DNAJC5B: variants seen among roughly 807,000 people sequenced by gnomAD.
The protein encoded by DNAJC5B is DnaJ heat shock protein family (Hsp40) member C5 beta.
Under a neutral mutation model 24.7 loss-of-function variants are expected in DNAJC5B, and 23 were observed. The observed-to-expected ratio is 0.93, with a 90% CI of 0.67 to 1.32. The LOEUF is 1.32. Among genes scored for constraint, DNAJC5B ranks in the 40% most tolerant of loss-of-function variants. DNAJC5B has a pLI of 0.00. For missense variants in DNAJC5B, 238 were observed against 240.8 expected (o/e 0.99, Z 0.08); for synonymous variants, 101 against 90.1 (o/e 1.12, Z -0.68).
intron 3 of DNAJC5B, among the ~76,000 whole-genome samples, chr8:66,060,500 C>T (rs991407670): frequency 1.3e-5 from 2 of 152,186 alleles, no homozygotes; most frequent in African/African-American, 2.4e-5. Context: ...GAACAATGGG[C>T]GACAATGACT....
chr8:66,078,258 G>T (rs897668863), intron 4 of DNAJC5B, among the ~76,000 whole-genome samples: 1 of 152,154 alleles, frequency 6.6e-6, no homozygotes. Flanking sequence ...TCCTGGTGTG[G>T]TTCTTTAAAC....
At chr8:66,068,129 C>T (rs889697865) in intron 3 of DNAJC5B, among the ~76,000 whole-genome samples, 1 of 152,088 alleles carries the variant, frequency 6.6e-6, no homozygotes, top group African/African-American at 2.4e-5. Flanking sequence ...TCTTCTTAGT[C>T]CTCAAATTAT....
chr8:66,033,083 C>T (rs2128956595), intron 1 of DNAJC5B, among the ~76,000 whole-genome samples: 1 of 152,352 alleles, frequency 6.6e-6, no homozygotes, highest in Admixed American at 6.5e-5. Context: ...GCCAAGCCAT[C>T]CGTATCCCAG....
chr8:66,068,026 A>T (rs905536728), intron 3 of DNAJC5B, among the ~76,000 whole-genome samples: 3 of 152,256 alleles, frequency 2.0e-5, no homozygotes, highest in African/African-American at 7.2e-5. Flanking sequence ...GGAAACCTTG[A>T]TCTTTAATAT....
chr8:66,098,983 GTCTGTCTCTC>G (rs1299437947), intron 5 of DNAJC5B, among the ~76,000 whole-genome samples: 2 of 149,180 alleles, frequency 1.3e-5, no homozygotes, highest in Admixed American at 1.3e-4. Context: ...CTGTCTCTCT[GTCTGTCTCTC>G]TCTGTCTCTC....
At chr8:66,033,552 C>G (rs1035178025) in intron 1 of DNAJC5B, among the ~76,000 whole-genome samples, 24 of 152,166 alleles carry the variant, frequency 1.6e-4, no homozygotes, top group Non-Finnish European at 5.9e-5. Flanking sequence ...TCCAGACACG[C>G]ATTTGGCTTC....
intron 4 of DNAJC5B, among the ~76,000 whole-genome samples, chr8:66,078,436 C>T (rs890696045): frequency 2.6e-5 from 4 of 152,170 alleles, no homozygotes; most frequent in African/African-American, 4.8e-5. Context: ...GGACACCTAC[C>T]TGTGCCTAGT....
At chr8:66,075,375 TG>T (rs11334241) in intron 3 of DNAJC5B, among the ~76,000 whole-genome samples, 2,549 of 151,648 alleles carry the variant, frequency 0.017, 57 homozygotes, top group African/African-American at 0.057. Context: ...TTTGGAACCA[TG>T]GGGGGGGAAA....
At chr8:66,061,681 T>C (rs909693379) in intron 3 of DNAJC5B, among the ~76,000 whole-genome samples, 3 of 151,836 alleles carry the variant, frequency 2.0e-5, no homozygotes, top group Non-Finnish European at 4.4e-5. Flanking sequence ...TAGATTCCAT[T>C]GAATACATTT....
At position 66,061,650 on chromosome 8, in the gene DNAJC5B, G is replaced by A. The variant is rs527420904; in HGVS notation, c.119+9984G>A. Among the ~76,000 whole-genome samples the A allele has an allele frequency of 2.0e-5, 3 of 151,644 alleles. No homozygotes were observed. In the South Asian group the frequency reaches 6.2e-4, roughly 32 times the overall value. On this transcript the variant is annotated intron_variant, in intron 3 of 5. Coordinates refer to ENST00000276570, the MANE Select transcript of DNAJC5B (RefSeq NM_033105.6). ...GTGTGTGTGTGCGCGTGTATAAGGGGTACTTAGATTATGTGACATTTAGAT... is the reference window on the plus strand; with the variant it reads ...GTGTGTGTGTGCGCGTGTATAAGGGATACTTAGATTATGTGACATTTAGAT...
chr8:66,073,282 A>C (rs1290649335), intron 3 of DNAJC5B, among the ~76,000 whole-genome samples: 2 of 152,184 alleles, frequency 1.3e-5, no homozygotes, highest in Non-Finnish European at 2.9e-5. Flanking sequence ...TTAAATGTCA[A>C]AACCACAAAA....
intron 1 of DNAJC5B, among the ~76,000 whole-genome samples, chr8:66,039,029 T>C (rs1806548431): frequency 6.6e-6 from 1 of 152,244 alleles, no homozygotes; most frequent in African/African-American, 2.4e-5. Context: ...TTAGACTTTA[T>C]TAGTGAACAC....
At chr8:66,075,068 C>A (rs1013388286) in intron 3 of DNAJC5B, among the ~76,000 whole-genome samples, 11 of 151,906 alleles carry the variant, frequency 7.2e-5, no homozygotes, top group African/African-American at 2.7e-4. Context: ...TTTCTTCCTT[C>A]CTGTTTTTTT....
intron 3 of DNAJC5B, among the ~76,000 whole-genome samples, chr8:66,061,548 C>T (rs180773636): frequency 9.0e-4 from 135 of 150,730 alleles, no homozygotes; most frequent in Non-Finnish European, 1.7e-3. Context: ...TGCAGGGTGA[C>T]GTGCCAAGAA....
At chr8:66,088,887 C>A (rs1336655883) in intron 5 of DNAJC5B, among the ~76,000 whole-genome samples, 2 of 152,134 alleles carry the variant, frequency 1.3e-5, no homozygotes, top group Non-Finnish European at 2.9e-5. Flanking sequence ...CCAAACTTTC[C>A]CACATCTTCC....
chr8:66,088,939 G>A (rs2128966183), intron 5 of DNAJC5B, among the ~76,000 whole-genome samples: 1 of 152,236 alleles, frequency 6.6e-6, no homozygotes, highest in East Asian at 1.9e-4. Context: ...ACCTCTGACT[G>A]TTACCCAGTT....
rs931502352 is a variant in DNAJC5B at position 66,101,218 on chromosome 8, T to G, written c.*1187T>G. Among the ~76,000 whole-genome samples, 3 of 152,222 alleles carry G rather than the reference T, an allele frequency of 2.0e-5. No homozygotes were observed. Among genetic ancestry groups the G allele is most frequent in the African/African-American group, 7.2e-5 (3 of 41,468 alleles). ...AGAATTAGTGTTATAGCTCTGATAG[T>G]TCTGAGGTCATTAAAATTCCACTCT... On this transcript the variant is annotated 3_prime_UTR_variant, in exon 6 of 6. Coordinates refer to ENST00000276570, the MANE Select transcript of DNAJC5B (RefSeq NM_033105.6).
chr8:66,048,517 A>T (rs1806774448), intron 2 of DNAJC5B, among the ~76,000 whole-genome samples: 1 of 152,140 alleles, frequency 6.6e-6, no homozygotes, highest in Non-Finnish European at 1.5e-5. Flanking sequence ...CCCCAGAGGA[A>T]CTCAAAAACA....
chr8:66,085,362 C>A (rs919100242), intron 5 of DNAJC5B, among the ~76,000 whole-genome samples: 3 of 152,156 alleles, frequency 2.0e-5, no homozygotes, highest in Non-Finnish European at 4.4e-5. Flanking sequence ...ATTGCTTGAA[C>A]CCGGGAGGCA....
Sources: gnomAD v4.1 joint callset for allele counts (sites outside exome capture counted in the v4.1 genomes callset) on GRCh38, gnomAD v4.1.1 for gene constraint, MANE v1.5 for transcripts, NCBI Gene and HGNC (gene_info 2026-07-23, HGNC 2026-07-21) for gene names.